PIGZ: variants seen among roughly 807,000 people sequenced by gnomAD.
The protein encoded by PIGZ is phosphatidylinositol glycan anchor biosynthesis class Z (Gwada blood group).
A neutral mutation model predicts 16.4 loss-of-function variants in PIGZ; 16 were observed. The ratio of observed to expected loss-of-function variants is 0.97; its 90% CI spans 0.66 to 1.48. The LOEUF (loss-of-function observed/expected upper bound fraction) is 1.48, where lower values mean the gene tolerates loss of function less well. Ranked by LOEUF, PIGZ falls within the 40% of genes most tolerant of loss-of-function variation. The pLI is 0.00. For synonymous variants in PIGZ, 409 were observed against 338.4 expected (o/e 1.21, Z -2.29); for missense variants, 770 against 739.2 (o/e 1.04, Z -0.48).
intron 1 of PIGZ, among the ~76,000 whole-genome samples, chr3:196,964,323 A>G (rs977611635): frequency 2.0e-5 from 3 of 152,088 alleles, no homozygotes; most frequent in African/African-American, 7.2e-5. Context: ...TGCTGGGATT[A>G]CAGGCATGAG....
intron 1 of PIGZ, among the ~76,000 whole-genome samples, chr3:196,954,631 T>C (rs1717411435): frequency 6.6e-6 from 1 of 152,258 alleles, no homozygotes; most frequent in Admixed American, 6.5e-5. Context: ...CTCGTTAATT[T>C]GGAGCCTTAT....
intron 1 of PIGZ, among the ~76,000 whole-genome samples, chr3:196,967,269 G>A (rs1470077795): frequency 5.3e-5 from 8 of 152,138 alleles, no homozygotes; most frequent in Admixed American, 3.3e-4. Flanking sequence ...TTTCTCCGGC[G>A]CCCAGGTGTG....
At chr3:196,956,404 A>G (rs1006972600) in intron 1 of PIGZ, among the ~76,000 whole-genome samples, 1 of 152,228 alleles carries the variant, frequency 6.6e-6, no homozygotes, top group Non-Finnish European at 1.5e-5. Flanking sequence ...AGCGAATGAG[A>G]CGCAAGCAAA....
chr3:196,955,516 G>T lies in PIGZ; in HGVS notation c.1-3485C>A, dbSNP rs147625551. Reference sequence around the variant, plus strand: ...ATTACTGTTGCTATACACACTTTTTGGAAACTTAGTATTTACCTGGTACAT... The same window carrying T: ...ATTACTGTTGCTATACACACTTTTTTGAAACTTAGTATTTACCTGGTACAT... On this transcript the variant is annotated intron_variant, in intron 1 of 2. Transcript: ENST00000412723. Among the ~76,000 whole-genome samples, 947 of 149,930 alleles carry T rather than the reference G, an allele frequency of 6.3e-3. 8 individuals are homozygous for T. The highest frequency in any genetic ancestry group is 0.019 in the African/African-American group (774 of 40,812).
At chr3:196,951,537 A>G in intron 2 of PIGZ, 1 of 487,750 alleles carries the variant, frequency 2.1e-6, no homozygotes, top group Non-Finnish European at 3.7e-6. Context: ...GGGAAGTCCA[A>G]CACAGCTCTC....
intron 1 of PIGZ, among the ~76,000 whole-genome samples, chr3:196,967,434 C>T (rs1361934873): frequency 6.6e-6 from 1 of 152,172 alleles, no homozygotes; most frequent in African/African-American, 2.4e-5. Flanking sequence ...GAGAAGGCGG[C>T]GGGCCCAAGG....
chr3:196,963,894 T>C (rs1717815851), intron 1 of PIGZ, among the ~76,000 whole-genome samples: 1 of 152,216 alleles, frequency 6.6e-6, no homozygotes, highest in African/African-American at 2.4e-5. Context: ...CTCTTTTGGA[T>C]CATCTCATTT....
chr3:196,948,476 C>T lies in PIGZ; in HGVS notation c.421G>A (p.Asp141Asn), dbSNP rs777963388. 3 of 1,613,818 alleles carry T rather than the reference C, an allele frequency of 1.9e-6. No homozygotes were observed. In the Admixed American group the frequency reaches 5.0e-5, roughly 27 times the overall value. The change falls in exon 3 of 3, where the codon GAC (aspartate) becomes AAC (asparagine). Residue 141 changes from aspartate to asparagine, a missense_variant. Transcript: ENST00000412723. ...GGGGCCAGGTGGTACACGGCCCCGTCCAGAGCAAAGGAAAGGGCAGTGAGG... is the reference window on the plus strand; with the variant it reads ...GGGGCCAGGTGGTACACGGCCCCGTTCAGAGCAAAGGAAAGGGCAGTGAGG... ...LLLTALSFAL[D>N]GAVYHLAPPM...
intron 1 of PIGZ, among the ~76,000 whole-genome samples, chr3:196,963,911 A>G (rs146415240): frequency 3.9e-5 from 6 of 151,986 alleles, no homozygotes; most frequent in Non-Finnish European, 8.8e-5. Context: ...ATTTATTCTC[A>G]TGGTTTCCAT....
intron 1 of PIGZ, among the ~76,000 whole-genome samples, chr3:196,955,510 C>CT (rs1717442603): frequency 6.6e-6 from 1 of 150,642 alleles, no homozygotes; most frequent in Non-Finnish European, 1.5e-5. Flanking sequence ...GCTATACACA[C>CT]TTTTTGGAAA....
intron 1 of PIGZ, among the ~76,000 whole-genome samples, chr3:196,966,224 C>T (rs1346860149): frequency 6.6e-6 from 1 of 152,204 alleles, no homozygotes; most frequent in Admixed American, 6.5e-5. Context: ...TAACCCGGTT[C>T]AAGTCGTTGC....
intron 1 of PIGZ, among the ~76,000 whole-genome samples, chr3:196,963,027 G>C (rs13318172): frequency 0.11 from 16,327 of 152,280 alleles, 1,096 homozygotes; most frequent in African/African-American, 0.18. Context: ...ATACCCACAG[G>C]TGTGGAGGGG....
Position 196,965,311 on chromosome 3 carries a change from T to C in PIGZ, c.-1+3376A>G, listed in dbSNP as rs539991532. On this transcript the variant is annotated intron_variant, in intron 1 of 2. Coordinates refer to ENST00000412723, the MANE Select transcript of PIGZ (RefSeq NM_025163.4). The surrounding 1 kb of genome is among the most constrained non-coding windows in gnomAD (Gnocchi z 4.2). ...ACAAGGTGGCAAGAGAGAGTGTGAGTGGAGGAAATGACGGACGCTTATGGA... is the reference window on the plus strand; with the variant it reads ...ACAAGGTGGCAAGAGAGAGTGTGAGCGGAGGAAATGACGGACGCTTATGGA... 2.3e-3 allele frequency among the ~76,000 whole-genome samples: 343 copies of C among 151,852 alleles called. 1 individual carries two copies. Among genetic ancestry groups the C allele is most frequent in the Non-Finnish European group, 3.2e-3 (218 of 67,912 alleles).
intron 1 of PIGZ, among the ~76,000 whole-genome samples, chr3:196,952,531 A>G (rs6801113): frequency 0.15 from 23,193 of 152,172 alleles, 1,911 homozygotes; most frequent in Middle Eastern, 0.26. Flanking sequence ...TCCACCTCCC[A>G]GGTTCAAGTG....
intron 1 of PIGZ, among the ~76,000 whole-genome samples, chr3:196,961,982 TTC>T (rs988769844): frequency 1.3e-5 from 2 of 152,162 alleles, no homozygotes; most frequent in Admixed American, 6.5e-5. Context: ...CTAATCTTCT[TTC>T]TGTCTCTATA....
In PIGZ at chr3:196,947,721, C is replaced by T. The variant is rs753421553; in HGVS notation, c.1176G>A (p.Leu392=). 8.7e-6 allele frequency: 14 copies of T among 1,613,146 alleles called. No individual in the cohort carries two copies. In the South Asian group the frequency reaches 1.5e-4, roughly 18 times the overall value. The change falls in exon 3 of 3, where the codon CTG becomes CTA. Residue 392 remains leucine, a synonymous_variant. Coordinates refer to ENST00000412723, the MANE Select transcript of PIGZ (RefSeq NM_025163.4). The stretch of plus-strand genomic sequence containing the variant: ...GGACCAGGGGGACCAGGAGGGGAAT[C>T]AGGAACCGAGCCTCCTGGTGGCTAA... The part of the protein sequence containing the change: ...SAFSHQEARF[L]IPLLVPLVLL...
At chr3:196,960,586 T>C (rs1717669364) in intron 1 of PIGZ, among the ~76,000 whole-genome samples, 1 of 151,754 alleles carries the variant, frequency 6.6e-6, no homozygotes, top group Non-Finnish European at 1.5e-5. Context: ...GCAGAATTGC[T>C]TGAACCTGGG....
At chr3:196,964,873 T>C (rs1308782069) in intron 1 of PIGZ, among the ~76,000 whole-genome samples, 3 of 152,172 alleles carry the variant, frequency 2.0e-5, no homozygotes, top group Admixed American at 2.0e-4. Flanking sequence ...GAACCTATTC[T>C]TATCCCTGTC....
intron 1 of PIGZ, among the ~76,000 whole-genome samples, chr3:196,966,037 C>G (rs981148367): frequency 6.6e-6 from 1 of 152,208 alleles, no homozygotes; most frequent in Non-Finnish European, 1.5e-5. Flanking sequence ...TCCAGTGTCC[C>G]CTTCCCGCCT....
Sources: gnomAD v4.1 joint callset for allele counts (sites outside exome capture counted in the v4.1 genomes callset) on GRCh38, gnomAD v4.1.1 for gene constraint, Gnocchi (gnomAD v3.1) non-coding constraint, MANE v1.5 for transcripts, NCBI Gene and HGNC (gene_info 2026-07-23, HGNC 2026-07-21) for gene names.